The following XIRP2 variants were observed in gnomAD, a reference collection of about 807,000 sequenced individuals.
The protein encoded by XIRP2 is xin actin-binding repeat-containing protein 2.
In XIRP2, 236 loss-of-function variants were observed where a neutral mutation model predicts 277.0. The observed-to-expected ratio is 0.85, with a 90% CI of 0.77 to 0.95. XIRP2 has a LOEUF of 0.95. Ranked by LOEUF, XIRP2 falls within the 40% of genes least tolerant of loss-of-function variation. The probability of loss-of-function intolerance (pLI) is 0.00; values close to 1 mark genes in which losing one functional copy is unlikely to be tolerated. For synonymous variants in XIRP2, 1,490 were observed against 1,416.5 expected, an observed-to-expected ratio of 1.05 and a Z score of -1.17; for missense variants, 4,640 against 4,157.5, an observed-to-expected ratio of 1.12 and a Z score of -3.19.
At chr2:167,119,107 G>C (rs1224400530) in intron 2 of XIRP2, among the ~76,000 whole-genome samples, 2 of 152,178 alleles carry the variant, frequency 1.3e-5, no homozygotes, top group African/African-American at 4.8e-5. Flanking sequence ...GGCAAAAAGT[G>C]GATTGGGATG....
intron 2 of XIRP2, among the ~76,000 whole-genome samples, chr2:167,128,768 T>C (rs780743526): frequency 1.3e-5 from 2 of 152,154 alleles, no homozygotes; most frequent in Non-Finnish European, 2.9e-5. Context: ...CCAGGACACC[T>C]ACATTTCTTT....
In XIRP2 at chr2:167,251,080, C is replaced by T; in HGVS notation, c.9688C>T (p.Arg3230Cys). ...TLRRQIKIETRGRDSPPTITI... is the reference protein window; with the variant it reads ...TLRRQIKIETCGRDSPPTITI... ...TCGTCGTCAAATTAAGATAGAAACT[C>T]GTGGTAGGGACTCTCCACCTACAAT... The change falls in exon 9 of 11, where the codon CGT becomes TGT. Residue 3230 changes from arginine (R) to cysteine (C), a missense_variant. Coordinates refer to ENST00000409195, the MANE Select transcript of XIRP2 (RefSeq NM_152381.6). 2 of 1,613,590 alleles carry T rather than the reference C, an allele frequency of 1.2e-6. No homozygotes were observed. Among genetic ancestry groups the T allele is most frequent in the East Asian group, 2.2e-5 (1 of 44,826 alleles).
intron 5 of XIRP2, among the ~76,000 whole-genome samples, chr2:167,228,449 T>A (rs1438291300): frequency 6.6e-6 from 1 of 152,100 alleles, no homozygotes; most frequent in Non-Finnish European, 1.5e-5. Flanking sequence ...CAATCCACAA[T>A]GTGAAGACAC....
At position 167,245,179 on chromosome 2, in the gene XIRP2, A is replaced by G. The variant is rs1559039512; in HGVS notation, c.3787A>G (p.Thr1263Ala). ...ESQEGDECVK[T>A]VTDIQGGDVR... ...CCAAGAAGGTGATGAATGTGTTAAG[A>G]CGGTGACAGACATACAAGGTGGGGA... The change falls in exon 9 of 11, where the codon ACG becomes GCG. Residue 1263 changes from threonine to alanine, a missense_variant. Physicochemically the swap from Thr to Ala is moderately conservative, Grantham distance 58. Transcript: ENST00000409195. The G allele has an allele frequency of 2.5e-6, 4 of 1,613,686 alleles. No individual in the cohort carries two copies. The highest frequency in any genetic ancestry group is 1.1e-5 in the South Asian group (1 of 91,064).
chr2:166,938,292 G>T (rs183199068), intron 2 of XIRP2, among the ~76,000 whole-genome samples: 5 of 152,196 alleles, frequency 3.3e-5, no homozygotes, highest in African/African-American at 9.6e-5. Flanking sequence ...CTGGTTTGTT[G>T]TGTCTTTGTT....
At chr2:167,169,513 A>G (rs946619111) in intron 3 of XIRP2, among the ~76,000 whole-genome samples, 1 of 152,154 alleles carries the variant, frequency 6.6e-6, no homozygotes. Flanking sequence ...AGTATCTCCA[A>G]TCTTGACAGC....
rs753439202 is a variant in XIRP2, at chr2:167,245,970, A to G, written c.4578A>G (p.Thr1526=). The G allele has an allele frequency of 5.6e-6, 9 of 1,613,604 alleles. No individual in the cohort carries two copies. The highest frequency in any genetic ancestry group is 1.3e-5 in the African/African-American group (1 of 75,004). The part of the protein sequence containing the change: ...EIPPSDVKTT[T]WLFETTPLHE... Reference sequence around the variant, plus strand: ...CTCCTTCTGATGTCAAAACAACCACATGGCTCTTTGAAACAACACCACTTC... The same window carrying G: ...CTCCTTCTGATGTCAAAACAACCACGTGGCTCTTTGAAACAACACCACTTC... Residue 1526 remains threonine (T), a synonymous_variant, in exon 9 of 11, where the codon ACA becomes ACG. Transcript: ENST00000409195.
At chr2:167,079,924 T>G (rs1270408946) in intron 2 of XIRP2, among the ~76,000 whole-genome samples, 2 of 152,104 alleles carry the variant, frequency 1.3e-5, no homozygotes, top group African/African-American at 4.8e-5. Context: ...TGTTTTTTGT[T>G]TTTTTGGGTT....
chr2:167,210,992 G>T, intron 4 of XIRP2, 97 bp downstream of exon 4: 1 of 1,446,200 alleles, frequency 6.9e-7, no homozygotes, highest in East Asian at 2.4e-5. Context: ...ACTGGACAGG[G>T]GGCTAAAGTA....
intron 2 of XIRP2, among the ~76,000 whole-genome samples, chr2:167,060,302 G>A (rs186334080): frequency 1.3e-5 from 2 of 152,150 alleles, no homozygotes; most frequent in African/African-American, 4.8e-5. Flanking sequence ...CATCTATTAG[G>A]GAAAACACTA....
At chr2:166,897,509 G>A (rs1386684151) in intron 1 of XIRP2, among the ~76,000 whole-genome samples, 1 of 152,056 alleles carries the variant, frequency 6.6e-6, no homozygotes, top group Non-Finnish European at 1.5e-5. Flanking sequence ...TGTAGCAGTC[G>A]GGGTCCAATC....
intron 2 of XIRP2, among the ~76,000 whole-genome samples, chr2:167,075,001 A>C (rs1689525627): frequency 6.6e-6 from 1 of 152,154 alleles, no homozygotes; most frequent in Admixed American, 6.5e-5. Context: ...GAGGCTCAAA[A>C]TCATCAGCTG....
rs1458692034 is a variant in XIRP2 at position 167,093,314 on chromosome 2, G to GTTTTGT, written c.409-42584_409-42579dup. On this transcript the variant is annotated intron_variant, in intron 2 of 10. Transcript: ENST00000409195. ...TTTTTACAGATGTACATAAGTTTGT[G>GTTTTGT]TTTTGTTTTTGTTTTTATTATACTT... Among the ~76,000 whole-genome samples the GTTTTGT allele has an allele frequency of 6.6e-5, 10 of 151,826 alleles. 1 individual carries two copies. Among genetic ancestry groups the GTTTTGT allele is most frequent in the East Asian group, 3.9e-4 (2 of 5,170 alleles).
At chr2:167,010,275 G>T (rs1687632242) in intron 2 of XIRP2, among the ~76,000 whole-genome samples, 1 of 151,826 alleles carries the variant, frequency 6.6e-6, no homozygotes, top group South Asian at 2.1e-4. Context: ...TCCAGTTTCA[G>T]CTTTCTACAT....
rs1346129314 is a variant in XIRP2, at chr2:167,247,183, G to T, written c.5791G>T (p.Glu1931Ter). 3.1e-6 allele frequency: 5 copies of T among 1,613,480 alleles called. No homozygotes were observed. The part of the protein sequence containing the change: ...DLETSLRSLK[E>*]AQRSFKEVHK... ...GGAAACATCACTAAGGTCTTTGAAA[G>T]AAGCACAAAGAAGTTTCAAAGAGGT... The change falls in exon 9 of 11, where the codon GAA becomes TAA. Residue 1931 changes from glutamate to a stop codon, truncating the protein, a stop_gained. Coordinates refer to ENST00000409195, the MANE Select transcript of XIRP2 (RefSeq NM_152381.6). LOFTEE classifies it high-confidence loss of function.
intron 2 of XIRP2, among the ~76,000 whole-genome samples, chr2:167,062,965 T>C (rs180782868): frequency 6.6e-6 from 1 of 152,030 alleles, no homozygotes; most frequent in East Asian, 1.9e-4. Flanking sequence ...CTTATCTGCA[T>C]TTGTTAATTT....
chr2:167,249,625 A>G lies in XIRP2; in HGVS notation c.8233A>G (p.Lys2745Glu). Residue 2745 changes from lysine (K) to glutamate (E), a missense_variant, in exon 9 of 11, where the codon AAA becomes GAA. By Grantham distance (56) the Lys-to-Glu change is moderately conservative. Coordinates refer to ENST00000409195, the MANE Select transcript of XIRP2 (RefSeq NM_152381.6). ...TGAGATTGATGTTCAAACCTTTACC[A>G]AAAAACAATATCTGAAAACCAAGAA... is the stretch of plus-strand genomic sequence containing the variant. Reference protein sequence around the residue: ...QSEIDVQTFTKKQYLKTKKTE... With the variant: ...QSEIDVQTFTEKQYLKTKKTE... 2.5e-6 allele frequency: 4 copies of G among 1,613,646 alleles called. No homozygotes were observed. The highest frequency in any genetic ancestry group is 3.4e-6 in the Non-Finnish European group (4 of 1,179,814).
Position 167,258,094 on chromosome 2 carries a change from T to G in XIRP2, c.*277T>G, listed in dbSNP as rs1335786272. ...GAGATCGTAATGAACATTTAGATGCTGGTAACAGTGAAGGGCAAAGGAATG... is the reference window on the plus strand; with the variant it reads ...GAGATCGTAATGAACATTTAGATGCGGGTAACAGTGAAGGGCAAAGGAATG... On this transcript the variant is annotated 3_prime_UTR_variant, in exon 11 of 11. Transcript: ENST00000409195. 1 of 1,613,160 alleles carries G rather than the reference T, an allele frequency of 6.2e-7. No homozygotes were observed. The highest frequency in any genetic ancestry group is 1.7e-5 in the Admixed American group (1 of 59,878).
intron 2 of XIRP2, among the ~76,000 whole-genome samples, chr2:167,006,510 ATGTGTTTTTG>A (rs1456551499): frequency 6.6e-6 from 1 of 151,764 alleles, no homozygotes; most frequent in Non-Finnish European, 1.5e-5. Context: ...TGGAAATTGA[ATGTGTTTTTG>A]TGATTTCTGT....
Sources: gnomAD v4.1 joint callset for allele counts (sites outside exome capture counted in the v4.1 genomes callset) on GRCh38, gnomAD v4.1.1 for gene constraint, MANE v1.5 for transcripts, NCBI Gene and HGNC (gene_info 2026-07-23, HGNC 2026-07-21) for gene names.